The following PEX2 variants were observed in gnomAD, a reference collection of about 807,000 sequenced individuals.
The protein encoded by PEX2 is peroxisome biogenesis factor 2.
A neutral mutation model predicts 25.2 loss-of-function variants in PEX2; 19 were observed. The ratio of observed to expected loss-of-function variants is 0.75; its 90% CI spans 0.53 to 1.10. The LOEUF (loss-of-function observed/expected upper bound fraction) is 1.10, where lower values mean the gene tolerates loss of function less well. Among genes scored for constraint, PEX2 ranks in the 50% least tolerant of loss-of-function variants. The probability of loss-of-function intolerance (pLI) is 0.00; values close to 1 mark genes in which losing one functional copy is unlikely to be tolerated. For missense variants in PEX2, 347 were observed against 350.6 expected (o/e 0.99, Z 0.08); for synonymous variants, 141 against 127.7 (o/e 1.10, Z -0.70).
chr8:76,996,871 G>A (rs1218857492), intron 1 of PEX2, among the ~76,000 whole-genome samples: 8 of 152,262 alleles, frequency 5.3e-5, no homozygotes, highest in African/African-American at 1.7e-4. Flanking sequence ...AAAAATTAAG[G>A]CTTGAGAAGA....
intron 1 of PEX2, among the ~76,000 whole-genome samples, chr8:76,998,422 T>C (rs949548576): frequency 6.6e-6 from 1 of 152,230 alleles, no homozygotes; most frequent in South Asian, 2.1e-4. Context: ...TAATAAATTC[T>C]AATTCTGTTC....
intron 1 of PEX2, among the ~76,000 whole-genome samples, chr8:76,994,380 T>C (rs906727930): frequency 9.2e-5 from 14 of 152,188 alleles, no homozygotes; most frequent in Middle Eastern, 3.2e-3. Context: ...AAACATGTTA[T>C]TGACAGAAAT....
chr8:76,983,669 G>A lies in PEX2; in HGVS notation c.510C>T (p.Leu170=). Residue 170 remains leucine, a synonymous_variant, in exon 4 of 4, where the codon CTC becomes CTT. Transcript: ENST00000357039. ...RGKFATLTER[L]LGIHSVFCKP... The stretch of plus-strand genomic sequence containing the variant: ...TGCAAAATACAGAATGAATACCTAG[G>A]AGACGTTCTGTCAAAGTTGCAAACT... 1 of 1,614,096 alleles carries A rather than the reference G, an allele frequency of 6.2e-7. No individual in the cohort carries two copies. Among genetic ancestry groups the A allele is most frequent in the Non-Finnish European group, 8.5e-7 (1 of 1,179,992 alleles).
In PEX2 at chr8:76,983,694, T is replaced by A. The variant is rs1247062571; in HGVS notation, c.485A>T (p.Lys162Met). 6.2e-7 allele frequency: 1 copy of A among 1,614,102 alleles called. No individual in the cohort carries two copies. The highest frequency in any genetic ancestry group is 1.3e-5 in the African/African-American group (1 of 75,050). ...INFLIFLQRG[K>M]FATLTERLLG... is the part of the protein sequence containing the mutation. ...GAGACGTTCTGTCAAAGTTGCAAAC[T>A]TTCCCCTCTGAAGGAAAATCAAAAA... The change falls in exon 4 of 4, where the codon AAG (lysine) becomes ATG (methionine). Residue 162 changes from lysine (K) to methionine (M), a missense_variant. Coordinates refer to ENST00000357039, the MANE Select transcript of PEX2 (RefSeq NM_000318.3).
intron 3 of PEX2, among the ~76,000 whole-genome samples, chr8:76,984,616 A>T (rs1252824798): frequency 6.6e-6 from 1 of 152,184 alleles, no homozygotes; most frequent in Admixed American, 6.5e-5. Flanking sequence ...TAATAAATAC[A>T]ACAACTATAT....
chr8:76,983,077 T>G lies in PEX2; in HGVS notation c.*184A>C, dbSNP rs1460772385. ...TTTAAAAAACATAATACATTAACAT[T>G]TACATAATATATTTAGAATCACATG... On this transcript the variant is annotated 3_prime_UTR_variant, in exon 4 of 4. Transcript: ENST00000357039. The G allele has an allele frequency of 8.6e-6, 12 of 1,402,984 alleles. No homozygotes were observed. Among genetic ancestry groups the G allele is most frequent in the African/African-American group, 1.5e-5 (1 of 68,850 alleles). 86.9% of individuals were successfully genotyped at this position (1,402,984 alleles called of 1,614,324 possible). A position where few individuals can be genotyped will look rare whatever the true frequency, so the allele number is the denominator to read the frequency against.
intron 1 of PEX2, among the ~76,000 whole-genome samples, chr8:76,996,768 T>C (rs138000811): frequency 9.2e-5 from 14 of 151,622 alleles, no homozygotes; most frequent in Admixed American, 2.0e-4. Context: ...ACATATCATG[T>C]ACAAGGCACT....
At chr8:76,998,877 A>C (rs1807411150) in intron 1 of PEX2, among the ~76,000 whole-genome samples, 1 of 152,180 alleles carries the variant, frequency 6.6e-6, no homozygotes, top group Non-Finnish European at 1.5e-5. Context: ...TAGAGTCAGG[A>C]CTAGAATCCA....
chr8:76,981,724 A>T lies in PEX2; in HGVS notation c.*1537T>A, dbSNP rs916004582. 1.3e-5 allele frequency: 2 copies of T among 152,186 alleles called. No individual in the cohort carries two copies. The highest frequency in any genetic ancestry group is 2.9e-5 in the Non-Finnish European group (2 of 68,026). The allele number at this position is 152,186 out of a possible 1,614,324, so 9.4% of individuals were successfully genotyped here. ...ACAAATATAGTAAAATATAGTGATG[A>T]TCTCTCTCAAAAAATTGTGGGAAAG... On this transcript the variant is annotated 3_prime_UTR_variant, in exon 4 of 4. Coordinates refer to ENST00000357039, the MANE Select transcript of PEX2 (RefSeq NM_000318.3).
chr8:76,983,348 G>A lies in PEX2; in HGVS notation c.831C>T (p.Tyr277=), dbSNP rs1362192051. ...CTGTGCCACACTTAGGACAAGTAAAGTACACGTCAAATAAGAAACTACTCT... is the reference window on the plus strand; with the variant it reads ...CTGTGCCACACTTAGGACAAGTAAAATACACGTCAAATAAGAAACTACTCT... ...CAKSSFLFDV[Y]FTCPKCGTEV... is the part of the protein sequence containing the mutation. Residue 277 remains tyrosine, a synonymous_variant, in exon 4 of 4, where the codon TAC becomes TAT. Transcript: ENST00000357039. 1.9e-6 allele frequency: 3 copies of A among 1,613,904 alleles called. No individual in the cohort carries two copies. The African/African-American group carries it at 4.0e-5, about 22-fold the overall frequency.
Position 76,984,331 on chromosome 8 carries a change from G to C in PEX2, c.-17-136C>G. ...ATGAGCGTTTCAGTAGTCTCAAATA[G>C]TACAGCGAATAATCACTTCTTACTT... On this transcript the variant is annotated intron_variant, in intron 3 of 3. Coordinates refer to ENST00000357039, the MANE Select transcript of PEX2 (RefSeq NM_000318.3). 6.3e-6 allele frequency: 4 copies of C among 639,598 alleles called. No homozygotes were observed. In the East Asian group the frequency reaches 1.1e-4, roughly 18 times the overall value. 39.6% of individuals were successfully genotyped at this position (639,598 alleles called of 1,614,324 possible).
At chr8:76,988,669 G>C (rs571552575) in intron 1 of PEX2, among the ~76,000 whole-genome samples, 1 of 152,140 alleles carries the variant, frequency 6.6e-6, no homozygotes, top group Non-Finnish European at 1.5e-5. Context: ...TGCATGGATT[G>C]ACTCTTCATC....
At position 76,983,796 on chromosome 8, in the gene PEX2, T is replaced by C. The variant is rs1228857616; in HGVS notation, c.383A>G (p.His128Arg). ...CTTGACTTTCCCAAATGATGCTAAA[T>C]GATGGTTTCGAAACAAATCATAGCA... Reference protein sequence around the residue: ...ERCYDLFRNHHLASFGKVKQC... With the variant: ...ERCYDLFRNHRLASFGKVKQC... The change falls in exon 4 of 4, where the codon CAT (histidine) becomes CGT (arginine). Residue 128 changes from histidine (H) to arginine (R), a missense_variant. Physicochemically the swap from His to Arg is conservative, Grantham distance 29. Transcript: ENST00000357039. 6.2e-6 allele frequency: 10 copies of C among 1,614,172 alleles called. No individual in the cohort carries two copies. Among genetic ancestry groups the C allele is most frequent in the African/African-American group, 1.3e-5 (1 of 75,050 alleles).
At chr8:76,984,332 T>C (rs1445006910) in intron 3 of PEX2, 137 bp from the exon 4 acceptor site, 3 of 636,260 alleles carry the variant, frequency 4.7e-6, no homozygotes, top group Non-Finnish European at 8.1e-6. Flanking sequence ...TCTCAAATAG[T>C]ACAGCGAATA....
At chr8:76,997,493 C>T (rs1449875719) in intron 1 of PEX2, among the ~76,000 whole-genome samples, 1 of 152,068 alleles carries the variant, frequency 6.6e-6, no homozygotes, top group African/African-American at 2.4e-5. Flanking sequence ...TGCTTGAACT[C>T]GGGAGGCAGA....
chr8:76,993,560 T>A (rs1051691973), intron 1 of PEX2, among the ~76,000 whole-genome samples: 8 of 152,238 alleles, frequency 5.3e-5, no homozygotes, highest in African/African-American at 1.9e-4. Flanking sequence ...ATTTTGACTT[T>A]ACCTTCAATC....
rs1485328978 is a variant in PEX2, at chr8:76,981,746, A to G, written c.*1515T>C. The G allele has an allele frequency of 1.3e-5, 2 of 152,196 alleles. No homozygotes were observed. Among genetic ancestry groups the G allele is most frequent in the African/African-American group, 4.8e-5 (2 of 41,450 alleles). 9.4% of individuals were successfully genotyped at this position (152,196 alleles called of 1,614,324 possible). ...ATGATCTCTCTCAAAAAATTGTGGG[A>G]AAGTTGATTTTATATTTTTTCCTGA... On this transcript the variant is annotated 3_prime_UTR_variant, in exon 4 of 4. Transcript: ENST00000357039.
intron 1 of PEX2, among the ~76,000 whole-genome samples, chr8:76,993,990 A>G (rs1023605325): frequency 6.6e-6 from 1 of 152,106 alleles, no homozygotes; most frequent in Non-Finnish European, 1.5e-5. Context: ...GACCAGATAA[A>G]AAGTATAGCA....
chr8:76,999,750 C>CTG (rs35089903), intron 1 of PEX2: 2 of 443,408 alleles, frequency 4.5e-6, no homozygotes, highest in East Asian at 7.0e-5. Flanking sequence ...TCAACTGCAG[C>CTG]TGTGTGTGTG....
Sources: gnomAD v4.1 joint callset for allele counts (sites outside exome capture counted in the v4.1 genomes callset) on GRCh38, gnomAD v4.1.1 for gene constraint, MANE v1.5 for transcripts, NCBI Gene and HGNC (gene_info 2026-07-23, HGNC 2026-07-21) for gene names.